The following PTPRD variants were observed in gnomAD, a reference collection of about 807,000 sequenced individuals.
PTPRD encodes receptor-type tyrosine-protein phosphatase delta.
A neutral mutation model predicts 214.5 loss-of-function variants in PTPRD; 34 were observed. That is an observed-to-expected ratio of 0.16 (90% confidence interval 0.12 to 0.21). The LOEUF (loss-of-function observed/expected upper bound fraction) is 0.21. PTPRD is among the 10% of genes least tolerant of loss of function. PTPRD has a pLI of 1.00. For missense variants in PTPRD, 2,545 were observed against 2,398.7 expected (o/e 1.06, Z -1.27); for synonymous variants, 1,128 against 845.7 (o/e 1.33, Z -5.79).
chr9:9,510,876 A>G (rs1440213476), intron 8 of PTPRD, among the ~76,000 whole-genome samples: 4 of 151,752 alleles, frequency 2.6e-5, no homozygotes, highest in Non-Finnish European at 4.4e-5. Context: ...AAAATATCCC[A>G]GAGCAAGAAA....
At chr9:9,974,598 C>T (rs185077126) in intron 4 of PTPRD, among the ~76,000 whole-genome samples, 2 of 152,226 alleles carry the variant, frequency 1.3e-5, no homozygotes, top group East Asian at 1.9e-4. Context: ...CACTAATTTC[C>T]GGATAAATTT....
intron 5 of PTPRD, among the ~76,000 whole-genome samples, chr9:9,898,763 A>G (rs2075681312): frequency 6.6e-6 from 1 of 152,092 alleles, no homozygotes; most frequent in South Asian, 2.1e-4. Flanking sequence ...CCACTTGACT[A>G]ATGTTCTAAC....
intron 5 of PTPRD, among the ~76,000 whole-genome samples, chr9:9,832,017 T>C (rs1372038340): frequency 6.6e-6 from 1 of 151,952 alleles, no homozygotes; most frequent in South Asian, 2.1e-4. Context: ...GTTGAGTAAA[T>C]GGAAATGTTG....
At chr9:9,341,989 A>T (rs1476429309) in intron 9 of PTPRD, among the ~76,000 whole-genome samples, 4 of 151,942 alleles carry the variant, frequency 2.6e-5, no homozygotes, top group Non-Finnish European at 4.4e-5. Context: ...TTATATTTTT[A>T]GTAGAGACAG....
At chr9:8,735,002 G>C (rs1240957852) in intron 11 of PTPRD, among the ~76,000 whole-genome samples, 3 of 152,278 alleles carry the variant, frequency 2.0e-5, no homozygotes, top group East Asian at 1.9e-4. Flanking sequence ...GGTTGGAATA[G>C]GGCCTCCCAA....
intron 3 of PTPRD, among the ~76,000 whole-genome samples, chr9:10,258,159 C>T (rs10217572): frequency 0.36 from 54,852 of 152,108 alleles, 11,791 homozygotes; most frequent in Non-Finnish European, 0.47. Context: ...TATCCTTTCT[C>T]GTCTAAACTA....
intron 12 of PTPRD, among the ~76,000 whole-genome samples, chr9:8,670,569 A>T (rs1013492155): frequency 1.3e-5 from 2 of 152,192 alleles, no homozygotes; most frequent in African/African-American, 4.8e-5. Flanking sequence ...TGCTATCTAT[A>T]TGTTTCTATA....
intron 6 of PTPRD, among the ~76,000 whole-genome samples, chr9:9,740,592 C>T (rs2154449911): frequency 6.6e-6 from 1 of 152,078 alleles, no homozygotes; most frequent in African/African-American, 2.4e-5. Context: ...GGATCTCCTG[C>T]CCTCGTGATC....
At chr9:9,024,492 C>T (rs533545009) in intron 10 of PTPRD, among the ~76,000 whole-genome samples, 2 of 151,312 alleles carry the variant, frequency 1.3e-5, no homozygotes, top group African/African-American at 4.8e-5. Flanking sequence ...ATTATAATAT[C>T]TATTGCCAAA....
intron 2 of PTPRD, among the ~76,000 whole-genome samples, chr9:10,351,984 G>C (rs1407444410): frequency 1.3e-5 from 2 of 151,988 alleles, no homozygotes; most frequent in Admixed American, 6.6e-5. Flanking sequence ...ATTAACTGTG[G>C]AGGCATTGAT....
chr9:10,489,144 G>A (rs1027213487), intron 2 of PTPRD, among the ~76,000 whole-genome samples: 1 of 151,944 alleles, frequency 6.6e-6, no homozygotes, highest in African/African-American at 2.4e-5. Flanking sequence ...CTGATCACTC[G>A]GGGCCCAGGA....
chr9:8,495,333 T>C (rs1309805617), intron 26 of PTPRD, among the ~76,000 whole-genome samples: 20 of 152,200 alleles, frequency 1.3e-4, no homozygotes, highest in Admixed American at 1.2e-3. Flanking sequence ...TCTTAGCAAG[T>C]TTTTGCCAAT....
At chr9:8,721,067 G>A (rs553983380) in intron 12 of PTPRD, among the ~76,000 whole-genome samples, 1 of 149,824 alleles carries the variant, frequency 6.7e-6, no homozygotes, top group African/African-American at 2.5e-5. Context: ...AATCTGAGAA[G>A]TGAGGAGGAT....
At chr9:10,413,908 G>A (rs934038863) in intron 2 of PTPRD, among the ~76,000 whole-genome samples, 11 of 151,880 alleles carry the variant, frequency 7.2e-5, no homozygotes, top group Admixed American at 2.0e-4. Context: ...TAGACATGCA[G>A]CAGATTGAAA....
chr9:9,423,434 C>T (rs921130600), intron 8 of PTPRD, among the ~76,000 whole-genome samples: 4 of 152,142 alleles, frequency 2.6e-5, no homozygotes, highest in Non-Finnish European at 2.9e-5. Flanking sequence ...ACTTCTCAGC[C>T]TCAAGGATTT....
intron 7 of PTPRD, among the ~76,000 whole-genome samples, chr9:9,680,847 G>C (rs892676618): frequency 2.6e-5 from 4 of 151,746 alleles, no homozygotes; most frequent in Non-Finnish European, 2.9e-5. Flanking sequence ...TCCTCTTGTG[G>C]GTGAGCTGAA....
At chr9:10,584,593 T>C (rs1171884368) in intron 2 of PTPRD, among the ~76,000 whole-genome samples, 4 of 152,144 alleles carry the variant, frequency 2.6e-5, no homozygotes, top group Admixed American at 1.3e-4. Flanking sequence ...CTCTTCCAGC[T>C]CTTGTAAAGG....
At chr9:8,634,227 T>G (rs551201714) in intron 13 of PTPRD, among the ~76,000 whole-genome samples, 1 of 150,978 alleles carries the variant, frequency 6.6e-6, no homozygotes, top group South Asian at 2.1e-4. Flanking sequence ...TGTTAGCTAA[T>G]TCAAGTACCA....
At position 9,433,406 on chromosome 9, in the gene PTPRD, T is replaced by C. The variant is rs375676446; in HGVS notation, c.-236-35924A>G. On this transcript the variant is annotated intron_variant, in intron 8 of 45. Coordinates refer to ENST00000381196, the MANE Select transcript of PTPRD (RefSeq NM_002839.4). ...AAACCATTTTTCAGGACAATGTTTA[T>C]ACTTAAAGTGGCTTTATTAAGAAGG... Among the ~76,000 whole-genome samples, 144 of 152,322 alleles carry C rather than the reference T, an allele frequency of 9.5e-4. 2 individuals are homozygous for C. Among genetic ancestry groups the C allele is most frequent in the African/African-American group, 2.8e-3 (118 of 41,576 alleles).
Sources: allele counts gnomAD v4.1 joint callset (sites outside exome capture counted in the v4.1 genomes callset), GRCh38; gene constraint gnomAD v4.1.1; transcripts MANE v1.5; gene names NCBI Gene and HGNC (gene_info 2026-07-23, HGNC 2026-07-21).